The following TMC5 variants were observed in gnomAD, a reference collection of about 807,000 sequenced individuals.
TMC5 encodes the protein transmembrane channel like 5.
TMC5 carries 86 observed loss-of-function variants against 110.5 expected under a neutral mutation model. The ratio of observed to expected loss-of-function variants is 0.78; its 90% CI spans 0.65 to 0.93. The LOEUF (loss-of-function observed/expected upper bound fraction) is 0.93. TMC5 is among the 40% of genes least tolerant of loss of function. The pLI is 0.00. For synonymous variants in TMC5, 455 were observed against 439.5 expected (o/e 1.04, Z -0.44); for missense variants, 1,144 against 1,222.8 (o/e 0.94, Z 0.96).
At chr16:19,479,963 A>G (rs910553499) in intron 14 of TMC5, among the ~76,000 whole-genome samples, 7 of 151,912 alleles carry the variant, frequency 4.6e-5, no homozygotes, top group Non-Finnish European at 1.0e-4. Flanking sequence ...AGAAGAAGAA[A>G]AAGGCAAAGA....
chr16:19,462,812 C>T (rs1597192363), intron 6 of TMC5, among the ~76,000 whole-genome samples: 1 of 151,198 alleles, frequency 6.6e-6, no homozygotes, highest in Non-Finnish European at 1.5e-5. Context: ...GCAGGAGAAT[C>T]GCTTGAACCT....
At chr16:19,419,859 G>C (rs1364143768) in intron 1 of TMC5, among the ~76,000 whole-genome samples, 1 of 152,166 alleles carries the variant, frequency 6.6e-6, no homozygotes, top group Non-Finnish European at 1.5e-5. Flanking sequence ...TTTTCGGGAT[G>C]ACGTGGCAGG....
At chr16:19,487,431 G>C in intron 17 of TMC5, 105 bp downstream of exon 17, 1 of 1,421,016 alleles carries the variant, frequency 7.0e-7, no homozygotes, top group East Asian at 2.4e-5. Flanking sequence ...GCCGGGTGCA[G>C]TGGCTCACGC....
At chr16:19,432,727 ACACAAGCT>A (rs989137553) in intron 2 of TMC5, among the ~76,000 whole-genome samples, 8 of 152,350 alleles carry the variant, frequency 5.3e-5, no homozygotes, top group Middle Eastern at 3.4e-3. Context: ...GATGTGCAAT[ACACAAGCT>A]CTTGTCAAAT....
intron 5 of TMC5, among the ~76,000 whole-genome samples, chr16:19,451,405 A>G (rs1597181547): frequency 6.6e-6 from 1 of 152,116 alleles, no homozygotes; most frequent in East Asian, 1.9e-4. Flanking sequence ...TTGGGATATA[A>G]ATGATCACAC....
At chr16:19,434,261 CTATAATATATATAGATCTATA>C (rs1236525067) in intron 2 of TMC5, among the ~76,000 whole-genome samples, 1 of 92,194 alleles carries the variant, frequency 1.1e-5, no homozygotes, top group African/African-American at 3.8e-5. Context: ...ATATATATAT[CTATAATATATATAGATCTATA>C]TATAATATAT....
At chr16:19,474,032 TC>T (rs1220095994) in intron 11 of TMC5, 92 bp from the exon 12 acceptor site, 57 of 1,254,528 alleles carry the variant, frequency 4.5e-5, no homozygotes, top group Non-Finnish European at 6.1e-5. Flanking sequence ...AGGAGCTACT[TC>T]TCGGGTTTTC....
intron 5 of TMC5, among the ~76,000 whole-genome samples, chr16:19,452,419 A>G (rs1177167521): frequency 6.6e-6 from 1 of 152,162 alleles, no homozygotes; most frequent in Non-Finnish European, 1.5e-5. Flanking sequence ...ACAAGCATGT[A>G]GAAATGAGAC....
upstream of TMC5, among the ~76,000 whole-genome samples, chr16:19,416,668 T>C (rs113616617): frequency 2.4e-3 from 367 of 152,336 alleles, 2 homozygotes; most frequent in African/African-American, 8.3e-3. Context: ...TCGAGTCAAC[T>C]GTCTTGAAAT....
In TMC5 at chr16:19,449,568, G is replaced by T. The variant is rs1967700671; in HGVS notation, c.985G>T (p.Gly329Cys). The stretch of plus-strand genomic sequence containing the variant: ...GAACCCTGCTTATGTAGGTGAAAGT[G>T]GTCCTGTCCATGCTTATGGAAACCC... ...YVNPAYVGES[G>C]PVHAYGNPPL... Residue 329 changes from glycine to cysteine, a missense_variant, in exon 5 of 22, where the codon GGT (glycine) becomes TGT (cysteine). Physicochemically the swap from Gly to Cys is radical, Grantham distance 159 (BLOSUM62 -3). Coordinates refer to ENST00000542583, the MANE Select transcript of TMC5 (RefSeq NM_001261841.2). 4 of 1,613,986 alleles carry T rather than the reference G, an allele frequency of 2.5e-6. No individual in the cohort carries two copies. The highest frequency in any genetic ancestry group is 1.3e-5 in the African/African-American group (1 of 74,910).
At chr16:19,414,847 ACCAG>A (rs377510866), upstream of TMC5, among the ~76,000 whole-genome samples, 117 of 151,946 alleles carry the variant, frequency 7.7e-4, no homozygotes, top group African/African-American at 2.7e-3. Flanking sequence ...GGAGTTCGAG[ACCAG>A]CCTAGGCAAC....
At chr16:19,441,710 T>C (rs1368913352) in intron 3 of TMC5, among the ~76,000 whole-genome samples, 1 of 152,230 alleles carries the variant, frequency 6.6e-6, no homozygotes, top group Non-Finnish European at 1.5e-5. Flanking sequence ...TCTGCACTAT[T>C]TTAATCTAAT....
chr16:19,427,583 C>T (rs183983535), intron 1 of TMC5, among the ~76,000 whole-genome samples: 157 of 152,246 alleles, frequency 1.0e-3, no homozygotes, highest in Non-Finnish European at 1.8e-3. Flanking sequence ...ACCATTCCAT[C>T]GGCATAGAAA....
intron 5 of TMC5, among the ~76,000 whole-genome samples, chr16:19,455,414 C>G (rs1401646785): frequency 6.6e-6 from 1 of 152,084 alleles, no homozygotes; most frequent in African/African-American, 2.4e-5. Flanking sequence ...GAGAGAGACT[C>G]TGTCTCTAAA....
intron 6 of TMC5, among the ~76,000 whole-genome samples, chr16:19,461,087 A>T (rs1365667509): frequency 6.6e-6 from 1 of 152,190 alleles, no homozygotes; most frequent in African/African-American, 2.4e-5. Flanking sequence ...TCGGTGGAAA[A>T]ACTGGTAAAA....
rs3049240 is a variant in TMC5 at position 19,430,860 on chromosome 16, A to ATTTTTT, written c.-80+232_-80+237dup. Among the ~76,000 whole-genome samples the ATTTTTT allele has an allele frequency of 4.6e-4, 61 of 131,280 alleles. 2 individuals carry two copies. The highest frequency in any genetic ancestry group is 7.7e-4 in the African/African-American group (27 of 34,876). The allele number at this position is 131,280 out of a possible 152,430, so 86.1% of individuals were successfully genotyped here. On this transcript the variant is annotated intron_variant, in intron 2 of 21. Transcript: ENST00000542583. Reference sequence around the variant, plus strand: ...CTCTCCACTCTCTGCAATAAAAACAATTTTTTTTTTTTTTTTTGAGACTGA... The same window carrying ATTTTTT: ...CTCTCCACTCTCTGCAATAAAAACAATTTTTTTTTTTTTTTTTTTTTTTGAGACTGA...
At chr16:19,466,006 T>A in intron 8 of TMC5, 76 bp from the exon 9 acceptor site, 1 of 1,520,708 alleles carries the variant, frequency 6.6e-7, no homozygotes. Context: ...TCAGGAGAGG[T>A]CAACTCTCAT....
Position 19,440,712 on chromosome 16 carries a change from A to G in TMC5, c.674A>G (p.Tyr225Cys). The G allele has an allele frequency of 6.2e-7, 1 of 1,614,164 alleles. No individual in the cohort carries two copies. Among genetic ancestry groups the G allele is most frequent in the Non-Finnish European group, 8.5e-7 (1 of 1,180,018 alleles). ...CCACCCTTTTTTGGGGAGCCAGACT[A>G]TCCCAGTGCTGAGGACAATCAGAAC... ...NSPPFFGEPD[Y>C]PSAEDNQNLP... The change falls in exon 3 of 22, where the codon TAT (tyrosine) becomes TGT (cysteine). Residue 225 changes from tyrosine to cysteine, a missense_variant. By Grantham distance (194) the Tyr-to-Cys change is radical. Coordinates refer to ENST00000542583, the MANE Select transcript of TMC5 (RefSeq NM_001261841.2).
At chr16:19,430,877 T>TTTTTTTTA (rs1967181306) in intron 2 of TMC5, among the ~76,000 whole-genome samples, 1 of 151,026 alleles carries the variant, frequency 6.6e-6, no homozygotes, top group Non-Finnish European at 1.5e-5. Context: ...TTTTTTTTTT[T>TTTTTTTTA]GAGACTGAAT....
Sources: allele counts gnomAD v4.1 joint callset (sites outside exome capture counted in the v4.1 genomes callset), GRCh38; gene constraint gnomAD v4.1.1; transcripts MANE v1.5; gene names NCBI Gene and HGNC (gene_info 2026-07-23, HGNC 2026-07-21).